Variants in AGPAT4 observed in about 807,000 individuals in gnomAD.
The protein encoded by AGPAT4 is 1-acylglycerol-3-phosphate O-acyltransferase 4.
In AGPAT4, 15 loss-of-function variants were observed where a neutral mutation model predicts 48.0. The observed-to-expected ratio is 0.31, with a 90% CI of 0.21 to 0.48. The LOEUF is 0.48. Among genes scored for constraint, AGPAT4 ranks in the 20% least tolerant of loss-of-function variants. The pLI is 0.99. For synonymous variants in AGPAT4, 178 were observed against 198.7 expected (o/e 0.90, Z 0.88); for missense variants, 314 against 482.5 (o/e 0.65, Z 3.27).
rs1444804698 is a variant in AGPAT4, at chr6:161,141,777, A to C, written c.844-2157T>G. 6.6e-6 allele frequency among the ~76,000 whole-genome samples: 1 copy of C among 152,154 alleles called. No homozygotes were observed. On this transcript the variant is annotated intron_variant, in intron 7 of 8. Coordinates refer to ENST00000320285, the MANE Select transcript of AGPAT4 (RefSeq NM_020133.3). The surrounding 1 kb of genome is among the most constrained non-coding windows in gnomAD (Gnocchi z 6.7). The stretch of plus-strand genomic sequence containing the variant: ...TCTTGTTTCCAGAAAGACATTTGCT[A>C]GGCCAAGATTGTTTTATTTGCACCT...
In AGPAT4 at chr6:161,178,433, G is replaced by A. The variant is rs1012091831; in HGVS notation, c.179-12016C>T. Among the ~76,000 whole-genome samples, 1 of 152,252 alleles carries A rather than the reference G, an allele frequency of 6.6e-6. No individual in the cohort carries two copies. The highest frequency in any genetic ancestry group is 1.5e-5 in the Non-Finnish European group (1 of 68,054). The stretch of plus-strand genomic sequence containing the variant: ...CGTGGGCGTCGGACCCTCTGAGCCA[G>A]ACACGGGATATAATCTCCTGGTGTG... On this transcript the variant is annotated intron_variant, in intron 2 of 8. Transcript: ENST00000320285. The surrounding 1 kb of genome is among the most constrained non-coding windows in gnomAD (Gnocchi z 5.1).
At chr6:161,188,207 T>G (rs572032282) in intron 2 of AGPAT4, among the ~76,000 whole-genome samples, 3 of 152,338 alleles carry the variant, frequency 2.0e-5, no homozygotes, top group African/African-American at 7.2e-5. Context: ...CCCGGCACTG[T>G]TTTTTAAAAA....
chr6:161,173,443 T>C (rs1473717220), intron 2 of AGPAT4, among the ~76,000 whole-genome samples: 1 of 152,258 alleles, frequency 6.6e-6, no homozygotes, highest in Non-Finnish European at 1.5e-5. Flanking sequence ...AAATGTCTTC[T>C]TTTGAGAAGT....
In AGPAT4 at chr6:161,267,783, C is replaced by G. The variant is rs181897234; in HGVS notation, c.-90+6155G>C. On this transcript the variant is annotated intron_variant, in intron 1 of 8. Transcript: ENST00000320285. This position sits in a 1 kb window ranked among gnomAD's most constrained non-coding sequence, Gnocchi z 5.2. Reference sequence around the variant, plus strand: ...TGTTAGTACACACCTGTAGTCCCAGCTACTTGGGAAGCTGAAGCGGGAGGA... The same window carrying G: ...TGTTAGTACACACCTGTAGTCCCAGGTACTTGGGAAGCTGAAGCGGGAGGA... 6.6e-6 allele frequency among the ~76,000 whole-genome samples: 1 copy of G among 152,098 alleles called. No homozygotes were observed. Among genetic ancestry groups the G allele is most frequent in the Non-Finnish European group, 1.5e-5 (1 of 67,986 alleles).
Position 161,161,760 on chromosome 6 carries a change from A to G in AGPAT4, c.348+4488T>C. On this transcript the variant is annotated intron_variant, in intron 3 of 8. Coordinates refer to ENST00000320285, the MANE Select transcript of AGPAT4 (RefSeq NM_020133.3). This position sits in a 1 kb window ranked among gnomAD's most constrained non-coding sequence, Gnocchi z 4.6. ...ATGAACACGGTCTCCTAGAGAAACC[A>G]CACACAATCAACACTCACTGGACAC... The G allele has an allele frequency of 3.1e-6, 1 of 323,502 alleles. No homozygotes were observed. Among genetic ancestry groups the G allele is most frequent in the South Asian group, 2.6e-5 (1 of 38,088 alleles). 20.0% of individuals were successfully genotyped at this position (323,502 alleles called of 1,614,324 possible). A position where few individuals can be genotyped will look rare whatever the true frequency, so the allele number is the denominator to read the frequency against.
rs1179109041 is a variant in AGPAT4 at position 161,137,728 on chromosome 6, A to G, written c.1043-1094T>C. Among the ~76,000 whole-genome samples, 1 of 151,992 alleles carries G rather than the reference A, an allele frequency of 6.6e-6. No homozygotes were observed. Among genetic ancestry groups the G allele is most frequent in the Non-Finnish European group, 1.5e-5 (1 of 67,984 alleles). On this transcript the variant is annotated intron_variant, in intron 8 of 8. Transcript: ENST00000320285. This position sits in a 1 kb window ranked among gnomAD's most constrained non-coding sequence, Gnocchi z 6.1. ...TGGGGCACGGCAGTCAGCTCCTCAG[A>G]TGCTCCTGGAGACGCCGTGTCCACA...
chr6:161,132,495 A>G lies in AGPAT4; in HGVS notation c.*4045T>C, dbSNP rs1179584222. The stretch of plus-strand genomic sequence containing the variant: ...GCCGCACTCAGCAGCCTGGAATGCC[A>G]GCTCTCATGCCCTCACCTAGAAACG... On this transcript the variant is annotated 3_prime_UTR_variant, in exon 9 of 9. Transcript: ENST00000320285. 1.3e-5 allele frequency: 2 copies of G among 152,428 alleles called. No homozygotes were observed. Among genetic ancestry groups the G allele is most frequent in the Non-Finnish European group, 2.9e-5 (2 of 68,198 alleles). The allele number at this position is 152,428 out of a possible 1,614,324, so 9.4% of individuals were successfully genotyped here.
At position 161,264,023 on chromosome 6, in the gene AGPAT4, C is replaced by T. The variant is rs1211427908; in HGVS notation, c.-90+9915G>A. ...ATTAGAGAAAATAATTGGCAACCCA[C>T]AGGGCTGGGGGCAAGCTGAAATGAG... On this transcript the variant is annotated intron_variant, in intron 1 of 8. Coordinates refer to ENST00000320285, the MANE Select transcript of AGPAT4 (RefSeq NM_020133.3). This position sits in a 1 kb window ranked among gnomAD's most constrained non-coding sequence, Gnocchi z 6.8. Among the ~76,000 whole-genome samples, 2 of 152,126 alleles carry T rather than the reference C, an allele frequency of 1.3e-5. No homozygotes were observed. The highest frequency in any genetic ancestry group is 2.4e-5 in the African/African-American group (1 of 41,426).
In AGPAT4 at chr6:161,137,275, G is replaced by A. The variant is rs1779096911; in HGVS notation, c.1043-641C>T. ...CTCTGGAGCGGGCAGATGTGGTGAG[G>A]TCCTTGGGTGCAGGGCCCAAGACTT... is the stretch of plus-strand genomic sequence containing the variant. On this transcript the variant is annotated intron_variant, in intron 8 of 8. Transcript: ENST00000320285. The surrounding 1 kb of genome is among the most constrained non-coding windows in gnomAD (Gnocchi z 6.1). Among the ~76,000 whole-genome samples the A allele has an allele frequency of 6.6e-6, 1 of 152,196 alleles. No homozygotes were observed. Among genetic ancestry groups the A allele is most frequent in the African/African-American group, 2.4e-5 (1 of 41,434 alleles).
intron 2 of AGPAT4, among the ~76,000 whole-genome samples, chr6:161,194,629 T>C (rs558044236): frequency 8.2e-6 from 1 of 122,660 alleles, no homozygotes; most frequent in African/African-American, 3.3e-5. Flanking sequence ...CATGTGTGTA[T>C]GTGTATGTGT....
chr6:161,203,014 G>A (rs368432682), intron 2 of AGPAT4, among the ~76,000 whole-genome samples: 2 of 152,184 alleles, frequency 1.3e-5, no homozygotes, highest in African/African-American at 4.8e-5. Flanking sequence ...TCCCCACTGG[G>A]AACCAGGCAT....
In AGPAT4 at chr6:161,219,503, G is replaced by A. The variant is rs188172521; in HGVS notation, c.178+12533C>T. ...TGCACCATGAAGACCACACACGATC[G>A]CCTTATAACCTTACAAGACACCAAA... On this transcript the variant is annotated intron_variant, in intron 2 of 8. Transcript: ENST00000320285. The surrounding 1 kb of genome is among the most constrained non-coding windows in gnomAD (Gnocchi z 4.9). 2.0e-4 allele frequency among the ~76,000 whole-genome samples: 30 copies of A among 151,992 alleles called. No individual in the cohort carries two copies. Among genetic ancestry groups the A allele is most frequent in the South Asian group, 8.3e-4 (4 of 4,792 alleles).
chr6:161,166,893 AG>A lies in AGPAT4; in HGVS notation c.179-477del, dbSNP rs1780115069. On this transcript the variant is annotated intron_variant, in intron 2 of 8. Coordinates refer to ENST00000320285, the MANE Select transcript of AGPAT4 (RefSeq NM_020133.3). This position sits in a 1 kb window ranked among gnomAD's most constrained non-coding sequence, Gnocchi z 6.7. ...GGGCAGGGGAAGAATGGAGAACGGC[AG>A]ATCCAGCCGCAGGAGCCCCAGCACC... 6.6e-6 allele frequency among the ~76,000 whole-genome samples: 1 copy of A among 152,206 alleles called. No homozygotes were observed. Among genetic ancestry groups the A allele is most frequent in the Non-Finnish European group, 1.5e-5 (1 of 68,042 alleles).
chr6:161,191,862 T>C (rs539995945), intron 2 of AGPAT4, among the ~76,000 whole-genome samples: 217 of 152,316 alleles, frequency 1.4e-3, no homozygotes, highest in African/African-American at 4.9e-3. Flanking sequence ...AAGCCAAGGC[T>C]GGTTTGATTT....
intron 2 of AGPAT4, among the ~76,000 whole-genome samples, chr6:161,211,479 G>T (rs879895548): frequency 1.3e-5 from 2 of 152,002 alleles, no homozygotes; most frequent in Admixed American, 6.5e-5. Flanking sequence ...AGCTTAAAGA[G>T]AAATAATTTC....
At position 161,178,084 on chromosome 6, in the gene AGPAT4, G is replaced by C. The variant is rs1780476483; in HGVS notation, c.179-11667C>G. On this transcript the variant is annotated intron_variant, in intron 2 of 8. Transcript: ENST00000320285. The surrounding 1 kb of genome is among the most constrained non-coding windows in gnomAD (Gnocchi z 5.1). ...CTACTGGGAGGTGTCTCCCAGTTAG[G>C]CTACTCGGGGGTCAGGGACCCACTT... Among the ~76,000 whole-genome samples the C allele has an allele frequency of 6.6e-6, 1 of 152,186 alleles. No homozygotes were observed. Among genetic ancestry groups the C allele is most frequent in the Admixed American group, 6.5e-5 (1 of 15,286 alleles).
At position 161,225,875 on chromosome 6, in the gene AGPAT4, G is replaced by A. The variant is rs1183381197; in HGVS notation, c.178+6161C>T. ...ATCTTAGAGCCACAGGCAGAAGGAG[G>A]CCTAGGCGGGTCTGAGAGGCTTTAA... On this transcript the variant is annotated intron_variant, in intron 2 of 8. Coordinates refer to ENST00000320285, the MANE Select transcript of AGPAT4 (RefSeq NM_020133.3). The surrounding 1 kb of genome is among the most constrained non-coding windows in gnomAD (Gnocchi z 5.0). 2.0e-5 allele frequency among the ~76,000 whole-genome samples: 3 copies of A among 152,214 alleles called. No homozygotes were observed. Among genetic ancestry groups the A allele is most frequent in the Non-Finnish European group, 4.4e-5 (3 of 68,048 alleles).
chr6:161,136,533 C>G lies in AGPAT4; in HGVS notation c.*7G>C, dbSNP rs747090478. 2.8e-5 allele frequency: 45 copies of G among 1,613,716 alleles called. No homozygotes were observed. The highest frequency in any genetic ancestry group is 1.3e-5 in the Non-Finnish European group (15 of 1,179,824). On this transcript the variant is annotated 3_prime_UTR_variant, in exon 9 of 9. Coordinates refer to ENST00000320285, the MANE Select transcript of AGPAT4 (RefSeq NM_020133.3). The stretch of plus-strand genomic sequence containing the variant: ...AGGTTCCCTTCGGATGGTGACACCT[C>G]CCTGAGTCAGTCATTCAGTTTCTGC...
rs750370951 is a variant in AGPAT4 at position 161,154,353 on chromosome 6, C to G, written c.349-43G>C. The G allele has an allele frequency of 6.2e-7, 1 of 1,610,990 alleles. No individual in the cohort carries two copies. The highest frequency in any genetic ancestry group is 1.1e-5 in the South Asian group (1 of 90,910). On this transcript the variant is annotated intron_variant, in intron 3 of 8. Transcript: ENST00000320285. This position sits in a 1 kb window ranked among gnomAD's most constrained non-coding sequence, Gnocchi z 7.8. ...GCCCAGGTGCCCATGAAGGAGACGTCAGAGCCACCTGCCGGGGCTGTTGGA... is the reference window on the plus strand; with the variant it reads ...GCCCAGGTGCCCATGAAGGAGACGTGAGAGCCACCTGCCGGGGCTGTTGGA...
Sources: allele counts gnomAD v4.1 joint callset (sites outside exome capture counted in the v4.1 genomes callset), GRCh38; gene constraint gnomAD v4.1.1; non-coding constraint Gnocchi (gnomAD v3.1); transcripts MANE v1.5; gene names NCBI Gene and HGNC (gene_info 2026-07-23, HGNC 2026-07-21).